Variants in TSHZ2 observed in about 807,000 individuals in gnomAD.
The protein encoded by TSHZ2 is teashirt zinc finger homeobox 2.
A neutral mutation model predicts 74.4 loss-of-function variants in TSHZ2; 21 were observed. That is an observed-to-expected ratio of 0.28 (90% confidence interval 0.20 to 0.41). The LOEUF (loss-of-function observed/expected upper bound fraction) is 0.41. Among genes scored for constraint, TSHZ2 ranks in the 10% least tolerant of loss-of-function variants. TSHZ2 has a pLI of 1.00. For synonymous variants in TSHZ2, 540 were observed against 515.3 expected (o/e 1.05, Z -0.65); for missense variants, 1,244 against 1,293.5 (o/e 0.96, Z 0.59).
intron 1 of TSHZ2, among the ~76,000 whole-genome samples, chr20:53,082,035 C>T (rs1190045522): frequency 6.6e-6 from 1 of 152,034 alleles, no homozygotes; most frequent in Non-Finnish European, 1.5e-5. Context: ...GGTCACCCGT[C>T]ACTGACTTTG....
chr20:53,112,222 G>T (rs1047648336), intron 1 of TSHZ2, among the ~76,000 whole-genome samples: 1 of 152,204 alleles, frequency 6.6e-6, no homozygotes, highest in African/African-American at 2.4e-5. Flanking sequence ...GAACCACACA[G>T]GAGCCCATGC....
chr20:53,115,651 T>A (rs776813027), intron 1 of TSHZ2, among the ~76,000 whole-genome samples: 1 of 151,992 alleles, frequency 6.6e-6, no homozygotes, highest in Non-Finnish European at 1.5e-5. Flanking sequence ...GCAAAGGAAT[T>A]GAGAATGGTA....
intron 2 of TSHZ2, among the ~76,000 whole-genome samples, chr20:53,397,246 C>T (rs1256498815): frequency 1.3e-5 from 2 of 152,192 alleles, no homozygotes; most frequent in Non-Finnish European, 2.9e-5. Flanking sequence ...GGCTAATATC[C>T]AGAATCTACA....
chr20:53,261,505 G>C (rs34626021), intron 2 of TSHZ2, among the ~76,000 whole-genome samples: 2,993 of 152,158 alleles, frequency 0.02, 33 homozygotes, highest in Middle Eastern at 0.034. Context: ...GAGGAAACAG[G>C]GTCAAGTACA....
chr20:53,107,678 G>A (rs890203228), intron 1 of TSHZ2, among the ~76,000 whole-genome samples: 19 of 152,196 alleles, frequency 1.2e-4, no homozygotes, highest in African/African-American at 4.1e-4. Flanking sequence ...CCATGTGTGT[G>A]CATACACGTG....
chr20:53,195,458 G>T (rs1432291341), intron 1 of TSHZ2, among the ~76,000 whole-genome samples: 3 of 152,098 alleles, frequency 2.0e-5, no homozygotes, highest in African/African-American at 7.2e-5. Flanking sequence ...AAATATGAAC[G>T]TTCATCATCT....
intron 2 of TSHZ2, among the ~76,000 whole-genome samples, chr20:53,267,440 G>A (rs1011056257): frequency 6.6e-6 from 1 of 152,188 alleles, no homozygotes; most frequent in Non-Finnish European, 1.5e-5. Flanking sequence ...CCTTAAAGGC[G>A]CTATTCACAT....
At chr20:53,365,573 T>A (rs896367011) in intron 2 of TSHZ2, among the ~76,000 whole-genome samples, 1 of 152,172 alleles carries the variant, frequency 6.6e-6, no homozygotes, top group Non-Finnish European at 1.5e-5. Context: ...CGCTAAGAGG[T>A]GACCAGCTAG....
intron 1 of TSHZ2, among the ~76,000 whole-genome samples, chr20:53,198,748 C>T (rs765493526): frequency 1.3e-5 from 2 of 152,126 alleles, no homozygotes; most frequent in South Asian, 4.1e-4. Flanking sequence ...AGAGGCTGAG[C>T]CAGAGCTGGC....
At chr20:53,418,900 G>T (rs1015229955) in intron 2 of TSHZ2, among the ~76,000 whole-genome samples, 2 of 152,100 alleles carry the variant, frequency 1.3e-5, no homozygotes, top group South Asian at 2.1e-4. Context: ...GTGTTTGGGT[G>T]GGGGAGACCC....
intron 1 of TSHZ2, among the ~76,000 whole-genome samples, chr20:52,978,844 T>C (rs1981451170): frequency 1.3e-5 from 2 of 152,250 alleles, no homozygotes; most frequent in Admixed American, 1.3e-4. Context: ...GACTATCTTT[T>C]ACTGTAGTCT....
intron 1 of TSHZ2, among the ~76,000 whole-genome samples, chr20:53,132,964 A>G (rs1312564363): frequency 6.6e-6 from 1 of 151,842 alleles, no homozygotes. Flanking sequence ...TCTATCTTTC[A>G]TGATGCATAT....
intron 1 of TSHZ2, among the ~76,000 whole-genome samples, chr20:53,036,474 TAGAAAC>T (rs1384229940): frequency 6.6e-6 from 1 of 151,256 alleles, no homozygotes; most frequent in Non-Finnish European, 1.5e-5. Flanking sequence ...TAGAAAGAAA[TAGAAAC>T]ACATATACAT....
chr20:53,269,969 C>G (rs1990801762), intron 2 of TSHZ2, among the ~76,000 whole-genome samples: 1 of 152,264 alleles, frequency 6.6e-6, no homozygotes, highest in South Asian at 2.1e-4. Context: ...CATATCATCT[C>G]TGAGAGGTAG....
intron 1 of TSHZ2, among the ~76,000 whole-genome samples, chr20:52,984,645 G>A (rs879685106): frequency 5.3e-5 from 8 of 152,190 alleles, no homozygotes; most frequent in Non-Finnish European, 7.3e-5. Flanking sequence ...GCCTCGGAGG[G>A]TGCAGGAGCA....
chr20:53,095,770 C>G (rs939185804), intron 1 of TSHZ2, among the ~76,000 whole-genome samples: 2 of 152,170 alleles, frequency 1.3e-5, no homozygotes, highest in Admixed American at 1.3e-4. Flanking sequence ...TCTTACCCCC[C>G]ACCCCAGTTC....
intron 2 of TSHZ2, among the ~76,000 whole-genome samples, chr20:53,454,795 T>C (rs1984984207): frequency 6.6e-6 from 1 of 152,084 alleles, no homozygotes; most frequent in Non-Finnish European, 1.5e-5. Context: ...TTGAGAAAGT[T>C]TCATTTGTCT....
chr20:53,342,298 CT>C (rs150260645), intron 2 of TSHZ2, among the ~76,000 whole-genome samples: 3,320 of 115,284 alleles, frequency 0.029, 120 homozygotes, highest in African/African-American at 0.086. Context: ...TCTTCTCAGG[CT>C]TTTTTTTTTT....
intron 1 of TSHZ2, among the ~76,000 whole-genome samples, chr20:53,216,100 G>A (rs920062864): frequency 3.3e-5 from 5 of 152,094 alleles, no homozygotes; most frequent in South Asian, 4.1e-4. Context: ...AGAAAGGCAC[G>A]ACCTTAGCTC....
Sources: gnomAD v4.1 joint callset for allele counts (sites outside exome capture counted in the v4.1 genomes callset) on GRCh38, gnomAD v4.1.1 for gene constraint, MANE v1.5 for transcripts, NCBI Gene and HGNC (gene_info 2026-07-23, HGNC 2026-07-21) for gene names.